EYA1: variants seen among roughly 807,000 people sequenced by gnomAD.
The protein encoded by EYA1 is EYA transcriptional coactivator and phosphatase 1.
EYA1 carries 16 observed loss-of-function variants against 82.0 expected under a neutral mutation model. That is an observed-to-expected ratio of 0.20 (90% CI 0.13 to 0.30). The LOEUF is 0.30. Ranked by LOEUF, EYA1 falls within the 10% of genes least tolerant of loss-of-function variation. The pLI, the probability that EYA1 is intolerant of heterozygous loss-of-function variation, is 1.00. For synonymous variants in EYA1, 261 were observed against 264.4 expected, an observed-to-expected ratio of 0.99 and a Z score of 0.12; for missense variants, 633 against 730.7, an observed-to-expected ratio of 0.87 and a Z score of 1.54.
intron 2 of EYA1, among the ~76,000 whole-genome samples, chr8:71,380,885 T>A (rs1487788085): frequency 6.6e-6 from 1 of 152,194 alleles, no homozygotes; most frequent in Admixed American, 6.5e-5. Flanking sequence ...CCCCTTTACC[T>A]CTCCTGTCCT....
At chr8:71,510,504 C>G (rs1429633241) in intron 2 of EYA1, among the ~76,000 whole-genome samples, 1 of 152,168 alleles carries the variant, frequency 6.6e-6, no homozygotes, top group Non-Finnish European at 1.5e-5. Context: ...AGGAAACTTA[C>G]AATCATGGCA....
At chr8:71,473,548 C>T (rs1253297445) in intron 2 of EYA1, among the ~76,000 whole-genome samples, 1 of 152,100 alleles carries the variant, frequency 6.6e-6, no homozygotes, top group East Asian at 1.9e-4. Flanking sequence ...AGTCAGGAAA[C>T]AACAGATGCT....
intron 2 of EYA1, among the ~76,000 whole-genome samples, chr8:71,408,693 C>T (rs1214345399): frequency 1.7e-5 from 2 of 119,670 alleles, no homozygotes; most frequent in South Asian, 3.0e-4. Context: ...TATATATGCA[C>T]CCAATACAGG....
intron 1 of EYA1, 128 bp from the exon 2 acceptor site, chr8:71,356,639 T>C (rs1190687905): frequency 7.2e-7 from 1 of 1,396,138 alleles, no homozygotes; most frequent in African/African-American, 1.5e-5. Flanking sequence ...AGGAGGATAC[T>C]GCAGCAGTGA....
In EYA1 at chr8:71,222,048, C is replaced by G. The variant is rs557331425; in HGVS notation, c.1141-5025G>C. Among the ~76,000 whole-genome samples, 3 of 152,320 alleles carry G rather than the reference C, an allele frequency of 2.0e-5. No individual in the cohort carries two copies. In the South Asian group the frequency reaches 6.2e-4, roughly 32 times the overall value. On this transcript the variant is annotated intron_variant, in intron 12 of 17. Transcript: ENST00000340726. ...ACTTGACCAAGATGCCTGCTTGGGT[C>G]TCTTCCAAGTGCAGTTTCCTTTTTT... is the stretch of plus-strand genomic sequence containing the variant.
chr8:71,520,770 C>T (rs1261587100), intron 2 of EYA1, among the ~76,000 whole-genome samples: 4 of 151,794 alleles, frequency 2.6e-5, no homozygotes, highest in East Asian at 1.9e-4. Flanking sequence ...TAATGAAGTT[C>T]GGAAATAAAG....
At chr8:71,547,756 C>CGGCGGGGCGGCCG (rs1230922330) in intron 1 of EYA1, 3 of 150,828 alleles carry the variant, frequency 2.0e-5, no homozygotes, top group African/African-American at 2.4e-5. Context: ...AGGCAGAAGC[C>CGGCGGGGCGGCCG]GGCGGGGCGG....
At position 71,356,524 on chromosome 8, in the gene EYA1, G is replaced by GT. The variant is rs1485865681; in HGVS notation, c.-54-14dup. The GT allele has an allele frequency of 3.8e-6, 6 of 1,563,434 alleles. No homozygotes were observed. The African/African-American group carries it at 4.1e-5, about 11-fold the overall frequency. On this transcript the variant is annotated splice_polypyrimidine_tract_variant and intron_variant, in intron 1 of 17. Coordinates refer to ENST00000340726, the MANE Select transcript of EYA1 (RefSeq NM_000503.6). ...GAGATGTTTGCACCTGTGATCAGGG[G>GT]TAAAAAAATTAGAAGATGTTGTTAC...
At chr8:71,210,448 T>C (rs527734164) in intron 17 of EYA1, among the ~76,000 whole-genome samples, 1 of 152,228 alleles carries the variant, frequency 6.6e-6, no homozygotes, top group African/African-American at 2.4e-5. Context: ...AAAGGCAGGC[T>C]GTAACCAGAC....
chr8:71,523,213 T>C, intron 2 of EYA1, among the ~76,000 whole-genome samples: 1 of 145,360 alleles, frequency 6.9e-6, no homozygotes, highest in Non-Finnish European at 1.5e-5. Flanking sequence ...GAGTCTCGCT[T>C]TGTCATCCAG....
chr8:71,266,325 A>G (rs1415316432), intron 11 of EYA1, among the ~76,000 whole-genome samples: 2 of 151,520 alleles, frequency 1.3e-5, no homozygotes, highest in Admixed American at 1.3e-4. Context: ...GCCCTGGGGG[A>G]AACAAAAGGA....
In EYA1 at chr8:71,361,970, C is replaced by T; in HGVS notation, c.-378G>A. On this transcript the variant is annotated 5_prime_UTR_variant, in exon 1 of 18. Coordinates refer to ENST00000340726, the MANE Select transcript of EYA1 (RefSeq NM_000503.6). ...GTGGCACTGGAGAGTTTCTACCTCG[C>T]CCCAAACTCGGAGCCATCAGCTCCC... is the stretch of plus-strand genomic sequence containing the variant. The T allele has an allele frequency of 1.0e-6, 1 of 985,402 alleles. No homozygotes were observed. Among genetic ancestry groups the T allele is most frequent in the African/African-American group, 1.7e-5 (1 of 57,344 alleles). The allele number at this position is 985,402 out of a possible 1,614,324, so 61.0% of individuals were successfully genotyped here.
chr8:71,369,116 T>C (rs1221312622), intron 2 of EYA1, among the ~76,000 whole-genome samples: 1 of 150,734 alleles, frequency 6.6e-6, no homozygotes, highest in Admixed American at 6.6e-5. Flanking sequence ...GGCAGGAGAA[T>C]TGCTTCAACC....
At chr8:71,294,166 T>G (rs1819321914) in intron 9 of EYA1, among the ~76,000 whole-genome samples, 1 of 151,906 alleles carries the variant, frequency 6.6e-6, no homozygotes, top group Non-Finnish European at 1.5e-5. Context: ...AATTTGAAAT[T>G]AAAAACACAC....
chr8:71,285,329 T>G (rs571048824), intron 9 of EYA1, among the ~76,000 whole-genome samples: 2 of 152,154 alleles, frequency 1.3e-5, no homozygotes, highest in South Asian at 2.1e-4. Flanking sequence ...AGAAAAACAC[T>G]AAATGAGAAA....
intron 2 of EYA1, among the ~76,000 whole-genome samples, chr8:71,534,976 A>T (rs1374385778): frequency 6.6e-6 from 1 of 151,830 alleles, no homozygotes; most frequent in African/African-American, 2.4e-5. Context: ...AAAGCATTGT[A>T]TCTGACCAGG....
At chr8:71,212,584 T>C (rs1808653031) in intron 16 of EYA1, among the ~76,000 whole-genome samples, 1 of 152,240 alleles carries the variant, frequency 6.6e-6, no homozygotes, top group Admixed American at 6.5e-5. Flanking sequence ...CTATCTCCTA[T>C]TGGGCTCATT....
intron 9 of EYA1, among the ~76,000 whole-genome samples, chr8:71,292,295 T>C (rs186082455): frequency 3.7e-4 from 56 of 152,156 alleles, no homozygotes; most frequent in Non-Finnish European, 5.6e-4. Flanking sequence ...GAAAACACCT[T>C]CAAATTTATT....
At chr8:71,358,426 C>T (rs773554031) in intron 1 of EYA1, among the ~76,000 whole-genome samples, 2 of 152,142 alleles carry the variant, frequency 1.3e-5, no homozygotes, top group South Asian at 2.1e-4. Context: ...TTCAGATATA[C>T]TCTTTTGTGT....
Sources: allele counts gnomAD v4.1 joint callset (sites outside exome capture counted in the v4.1 genomes callset), GRCh38; gene constraint gnomAD v4.1.1; transcripts MANE v1.5; gene names NCBI Gene and HGNC (gene_info 2026-07-23, HGNC 2026-07-21).